PLBD2: variants seen among roughly 807,000 people sequenced by gnomAD.
PLBD2 encodes phospholipase B domain containing 2, also known as putative aminopeptidase PLBD2.
A neutral mutation model predicts 68.3 loss-of-function variants in PLBD2; 51 were observed. The observed-to-expected ratio is 0.75, with a 90% CI of 0.60 to 0.94. The LOEUF (loss-of-function observed/expected upper bound fraction) is 0.94. Among genes scored for constraint, PLBD2 ranks in the 40% least tolerant of loss-of-function variants. The pLI is 0.00. For missense variants in PLBD2, 729 were observed against 792.2 expected (o/e 0.92, Z 0.96); for synonymous variants, 314 against 339.3 (o/e 0.93, Z 0.82).
intron 3 of PLBD2, among the ~76,000 whole-genome samples, chr12:113,374,156 A>G (rs1355202231): frequency 6.6e-6 from 1 of 152,224 alleles, no homozygotes; most frequent in Non-Finnish European, 1.5e-5. Context: ...AACTCAGAAC[A>G]GGAGCAGTTG....
intron 4 of PLBD2, 98 bp downstream of exon 4, chr12:113,374,672 C>A: frequency 6.9e-7 from 1 of 1,452,098 alleles, no homozygotes; most frequent in Non-Finnish European, 9.5e-7. Flanking sequence ...CACTCCCTGG[C>A]TCTGTGGCCT....
intron 10 of PLBD2, 137 bp from the exon 11 acceptor site, chr12:113,387,606 CG>C: frequency 1.1e-6 from 1 of 932,062 alleles, no homozygotes; most frequent in Non-Finnish European, 1.7e-6. Flanking sequence ...GAGGAACTGT[CG>C]GGGGTAGTGT....
rs990375071 is a variant in PLBD2, at chr12:113,389,709, T to C, written c.*1083T>C. On this transcript the variant is annotated 3_prime_UTR_variant, in exon 12 of 12. Transcript: ENST00000280800. ...ATTTTCTTTCTTCTTCTTTTTTTTTTGTTTTTGTTTTTTCTGAGTGGGAGT... is the reference window on the plus strand; with the variant it reads ...ATTTTCTTTCTTCTTCTTTTTTTTTCGTTTTTGTTTTTTCTGAGTGGGAGT... The C allele has an allele frequency of 6.6e-6, 1 of 151,758 alleles. No individual in the cohort carries two copies. The highest frequency in any genetic ancestry group is 1.5e-5 in the Non-Finnish European group (1 of 67,950). 9.4% of individuals were successfully genotyped at this position (151,758 alleles called of 1,614,324 possible).
At chr12:113,388,409 T>C in intron 11 of PLBD2, 50 bp from the exon 12 acceptor site, 2 of 1,470,008 alleles carry the variant, frequency 1.4e-6, no homozygotes, top group Non-Finnish European at 1.8e-6. Flanking sequence ...GGTGCCTGGA[T>C]TGGGGCAGGC....
intron 5 of PLBD2, among the ~76,000 whole-genome samples, chr12:113,375,978 C>T (rs1017059039): frequency 3.9e-5 from 6 of 151,956 alleles, no homozygotes; most frequent in African/African-American, 1.4e-4. Context: ...CTCAGCCTCT[C>T]GAGTAGCTGG....
rs745951952 is a variant in PLBD2 at position 113,387,827 on chromosome 12, G to A, written c.1523G>A (p.Arg508His). The change falls in exon 11 of 12, where the codon CGC becomes CAC. Residue 508 changes from arginine to histidine, a missense_variant. By Grantham distance (29) the Arg-to-His change is conservative. Coordinates refer to ENST00000280800, the MANE Select transcript of PLBD2 (RefSeq NM_173542.4). Reference sequence around the variant, plus strand: ...AATGGGGAGAATGCTATCTCCGCCCGCTCCGACCTCAACCCGGCCAATGGC... The same window carrying A: ...AATGGGGAGAATGCTATCTCCGCCCACTCCGACCTCAACCCGGCCAATGGC... ...QPNGENAISA[R>H]SDLNPANGSY... The A allele has an allele frequency of 3.7e-6, 6 of 1,614,154 alleles. No individual in the cohort carries two copies. The highest frequency in any genetic ancestry group is 2.2e-5 in the East Asian group (1 of 44,880).
At position 113,358,615 on chromosome 12, in the gene PLBD2, G is replaced by A; in HGVS notation, c.15G>A (p.Met5Ile). The A allele has an allele frequency of 6.8e-7, 1 of 1,470,758 alleles. No homozygotes were observed. The highest frequency in any genetic ancestry group is 1.3e-5 in the South Asian group (1 of 76,362). 91.1% of individuals were successfully genotyped at this position (1,470,758 alleles called of 1,614,324 possible). The change falls in exon 1 of 12, where the codon ATG becomes ATA. Residue 5 changes from methionine (M) to isoleucine (I), a missense_variant. Physicochemically the swap from Met to Ile is conservative, Grantham distance 10 (BLOSUM62 1). Coordinates refer to ENST00000280800, the MANE Select transcript of PLBD2 (RefSeq NM_173542.4). MVGQ[M>I]YCYPGSHLAR... ...ATTGTGCGGTCATGGTGGGCCAGAT[G>A]TACTGCTACCCCGGCAGCCACCTGG... is the stretch of plus-strand genomic sequence containing the variant.
chr12:113,368,680 T>G lies in PLBD2; in HGVS notation c.291-436T>G, dbSNP rs562491762. On this transcript the variant is annotated intron_variant, in intron 1 of 11. Transcript: ENST00000280800. ...ATGGGGGTGGGGATGGCATGTGACA[T>G]AAGTCTGTGTTTTAATTTCCTCCTC... 9.9e-5 allele frequency among the ~76,000 whole-genome samples: 15 copies of G among 152,196 alleles called. No individual in the cohort carries two copies. The East Asian group carries it at 1.4e-3, about 14-fold the overall frequency.
Position 113,374,485 on chromosome 12 carries a change from C to A in PLBD2, c.555C>A (p.Thr185=). Residue 185 remains threonine (T), a synonymous_variant, in exon 4 of 12, where the codon ACC becomes ACA. Coordinates refer to ENST00000280800, the MANE Select transcript of PLBD2 (RefSeq NM_173542.4). ...GCCCCCTCCCCTAGGTGCGGCTGACCCTCCTGCAGCTGAAAGGCCTGGAGG... is the reference window on the plus strand; with the variant it reads ...GCCCCCTCCCCTAGGTGCGGCTGACACTCCTGCAGCTGAAAGGCCTGGAGG... ...DSPYWHQVRL[T]LLQLKGLEDS... 1.3e-6 allele frequency: 2 copies of A among 1,598,576 alleles called. No individual in the cohort carries two copies. Among genetic ancestry groups the A allele is most frequent in the South Asian group, 1.1e-5 (1 of 88,296 alleles).
chr12:113,372,631 C>A lies in PLBD2; in HGVS notation c.385-18C>A, dbSNP rs1957398931. 6.2e-7 allele frequency: 1 copy of A among 1,607,266 alleles called. No homozygotes were observed. Among genetic ancestry groups the A allele is most frequent in the Admixed American group, 1.7e-5 (1 of 59,834 alleles). Reference sequence around the variant, plus strand: ...CCCCAGCTGCCCGCCCTTGCCTCGCCCACCCCCTACCCCACAGCTCATCTA... The same window carrying A: ...CCCCAGCTGCCCGCCCTTGCCTCGCACACCCCCTACCCCACAGCTCATCTA... On this transcript the variant is annotated intron_variant, in intron 2 of 11. Coordinates refer to ENST00000280800, the MANE Select transcript of PLBD2 (RefSeq NM_173542.4). This position sits in a 1 kb window ranked among gnomAD's most constrained non-coding sequence, Gnocchi z 4.2.
intron 3 of PLBD2, among the ~76,000 whole-genome samples, 157 bp from the exon 4 acceptor site, chr12:113,374,317 G>A (rs375904370): frequency 1.3e-5 from 2 of 152,126 alleles, no homozygotes; most frequent in African/African-American, 4.8e-5. Flanking sequence ...GGGGTGGGTG[G>A]TAGTTTGGGG....
intron 2 of PLBD2, among the ~76,000 whole-genome samples, chr12:113,371,959 A>G (rs1729910092): frequency 6.6e-6 from 1 of 152,178 alleles, no homozygotes; most frequent in African/African-American, 2.4e-5. Context: ...AGAACCTGGT[A>G]TAGGACAGGC....
intron 4 of PLBD2, 76 bp from the exon 5 acceptor site, chr12:113,374,717 T>G (rs1957422807): frequency 1.3e-6 from 2 of 1,561,424 alleles, no homozygotes; most frequent in Non-Finnish European, 1.8e-6. Context: ...AGCCTCAGCT[T>G]TCTCCTCTGC....
Position 113,388,789 on chromosome 12 carries a change from G to A in PLBD2, c.*163G>A. The A allele has an allele frequency of 1.4e-6, 1 of 708,202 alleles. No individual in the cohort carries two copies. The highest frequency in any genetic ancestry group is 2.2e-6 in the Non-Finnish European group (1 of 463,612). The allele number at this position is 708,202 out of a possible 1,614,324, so 43.9% of individuals were successfully genotyped here. A position where few individuals can be genotyped will look rare whatever the true frequency, so the allele number is the denominator to read the frequency against. ...TAGAGTGGGTCACGAACCTGATGGGGCTCAGAACTGACCCCCTCTCTCCCC... is the reference window on the plus strand; with the variant it reads ...TAGAGTGGGTCACGAACCTGATGGGACTCAGAACTGACCCCCTCTCTCCCC... On this transcript the variant is annotated 3_prime_UTR_variant, in exon 12 of 12. Transcript: ENST00000280800.
At chr12:113,374,370 C>T (rs1276359630) in intron 3 of PLBD2, 104 bp from the exon 4 acceptor site, 5 of 765,304 alleles carry the variant, frequency 6.5e-6, no homozygotes, top group Non-Finnish European at 1.1e-5. Context: ...CCCGGGCCTC[C>T]TGCTCTGTCT....
intron 5 of PLBD2, among the ~76,000 whole-genome samples, chr12:113,377,868 T>G (rs904686453): frequency 2.6e-5 from 4 of 152,226 alleles, no homozygotes; most frequent in African/African-American, 9.6e-5. Flanking sequence ...ACATACTGTA[T>G]AAGTCATACA....
Position 113,374,537 on chromosome 12 carries a change from C to G in PLBD2, c.607C>G (p.Pro203Ala). Residue 203 changes from proline to alanine, a missense_variant, in exon 4 of 12, where the codon CCA becomes GCA. Transcript: ENST00000280800. ...CAGCTACGAAGGCCGTGTGAGCTTC[C>G]CAGCTGGGAAGTTCACCATCAAACC... Reference protein sequence around the residue: ...EDSYEGRVSFPAGKFTIKPLG... With the variant: ...EDSYEGRVSFAAGKFTIKPLG... The G allele has an allele frequency of 6.2e-7, 1 of 1,605,844 alleles. No individual in the cohort carries two copies.
At chr12:113,359,967 C>T (rs1957275573) in intron 1 of PLBD2, among the ~76,000 whole-genome samples, 1 of 152,100 alleles carries the variant, frequency 6.6e-6, no homozygotes, top group African/African-American at 2.4e-5. Flanking sequence ...CTAGGATGTG[C>T]CCAGGATGTG....
chr12:113,382,835 T>TTTTTGTGTG (rs1335785271), intron 6 of PLBD2, among the ~76,000 whole-genome samples: 20 of 106,606 alleles, frequency 1.9e-4, no homozygotes, highest in African/African-American at 7.7e-4. Context: ...TGGTGGTTTT[T>TTTTTGTGTG]TGTGTGTGTG....
Sources: allele counts gnomAD v4.1 joint callset (sites outside exome capture counted in the v4.1 genomes callset), GRCh38; gene constraint gnomAD v4.1.1; non-coding constraint Gnocchi (gnomAD v3.1); transcripts MANE v1.5; gene names NCBI Gene and HGNC (gene_info 2026-07-23, HGNC 2026-07-21).